PKLR: variants seen among roughly 807,000 people sequenced by gnomAD.
PKLR encodes pyruvate kinase PKLR.
PKLR carries 38 observed loss-of-function variants against 53.6 expected under a neutral mutation model. That is an observed-to-expected ratio of 0.71 (90% CI 0.55 to 0.93). The LOEUF (loss-of-function observed/expected upper bound fraction) is 0.93. Ranked by LOEUF, PKLR falls within the 40% of genes least tolerant of loss-of-function variation. PKLR has a pLI of 0.00. For synonymous variants in PKLR, 328 were observed against 316.2 expected (o/e 1.04, Z -0.39); for missense variants, 702 against 787.3 (o/e 0.89, Z 1.30).
At chr1:155,298,988 TTCTTTCTTTCTTTCTTTCTTTC>T in intron 2 of PKLR, among the ~76,000 whole-genome samples, 1 of 92,572 alleles carries the variant, frequency 1.1e-5, no homozygotes, top group South Asian at 3.6e-4. Context: ...CTTTCTTTCT[TTCTTTCTTTCTTTCTTTCTTTC>T]TTTCTTTCTT....
At chr1:155,302,168 G>A (rs1234829416), upstream of PKLR, among the ~76,000 whole-genome samples, 1 of 149,364 alleles carries the variant, frequency 6.7e-6, no homozygotes, top group African/African-American at 2.5e-5. Context: ...TCAGCCTACC[G>A]AGTAGCTGGG....
At position 155,294,278 on chromosome 1, in the gene PKLR, C is replaced by T; in HGVS notation, c.1073G>A (p.Gly358Glu). 1 of 1,614,192 alleles carries T rather than the reference C, an allele frequency of 6.2e-7. No individual in the cohort carries two copies. The highest frequency in any genetic ancestry group is 2.2e-5 in the East Asian group (1 of 44,884). ...KVFLAQKMMIGRCNLAGKPVV... is the reference protein window; with the variant it reads ...KVFLAQKMMIERCNLAGKPVV... ...AGGCTTGCCCGCCAAGTTGCAGCGC[C>T]CAATCATCATCTTCTGAGCCAGGAA... The change falls in exon 7 of 11, where the codon GGG becomes GAG. Residue 358 changes from glycine (G) to glutamate (E), a missense_variant. Physicochemically the swap from Gly to Glu is moderately conservative, Grantham distance 98 (BLOSUM62 -2). Around this residue, in one of 2 missense-constraint regions of PKLR, gnomAD observed 519 missense variants for 537.1 expected, o/e 0.97. Transcript: ENST00000342741.
Position 155,294,527 on chromosome 1 carries a change from C to A in PKLR, c.920G>T (p.Gly307Val), listed in dbSNP as rs754124936. ...CTCAATTTTGCTGATGATCTTGATGCCGTGTCCTTCCGGACCCAGAGCAGC... is the reference window on the plus strand; with the variant it reads ...CTCAATTTTGCTGATGATCTTGATGACGTGTCCTTCCGGACCCAGAGCAGC... ...VRAALGPEGH[G>V]IKIISKIENH... is the part of the protein sequence containing the mutation. The change falls in exon 6 of 11, where the codon GGC becomes GTC. Residue 307 changes from glycine to valine, a missense_variant. Coordinates refer to ENST00000342741, the MANE Select transcript of PKLR (RefSeq NM_000298.6). 3.1e-6 allele frequency: 5 copies of A among 1,614,236 alleles called. No homozygotes were observed. The South Asian group carries it at 5.5e-5, about 18-fold the overall frequency.
chr1:155,295,544 C>T lies in PKLR; in HGVS notation c.400G>A (p.Val134Ile). The T allele has an allele frequency of 6.2e-7, 1 of 1,613,900 alleles. No homozygotes were observed. The highest frequency in any genetic ancestry group is 8.5e-7 in the Non-Finnish European group (1 of 1,179,922). ...HEYHAESIAN[V>I]REAVESFAGS... ...GCAAAGCTCTCCACCGCCTCCCGGACGTTGGCGATGGACTCAGCATGGTAC... is the reference window on the plus strand; with the variant it reads ...GCAAAGCTCTCCACCGCCTCCCGGATGTTGGCGATGGACTCAGCATGGTAC... Residue 134 changes from valine (V) to isoleucine (I), a missense_variant, in exon 4 of 11, where the codon GTC (valine) becomes ATC (isoleucine). By Grantham distance (29) the Val-to-Ile change is conservative (BLOSUM62 3). Coordinates refer to ENST00000342741, the MANE Select transcript of PKLR (RefSeq NM_000298.6). This position sits in a 1 kb window ranked among gnomAD's most constrained non-coding sequence, Gnocchi z 4.3.
intron 2 of PKLR, among the ~76,000 whole-genome samples, chr1:155,297,793 GT>G (rs1277890495): frequency 1.3e-5 from 2 of 152,138 alleles, no homozygotes; most frequent in Non-Finnish European, 2.9e-5. Context: ...CCCCTTGATG[GT>G]TTCTAGCTCT....
At chr1:155,300,776 C>T (rs1018343417) in intron 1 of PKLR, 3 of 1,355,440 alleles carry the variant, frequency 2.2e-6, no homozygotes, top group Non-Finnish European at 2.1e-6. Context: ...GGCTTCCCCA[C>T]CCCATCCTCT....
intron 2 of PKLR, among the ~76,000 whole-genome samples, chr1:155,298,181 A>G (rs1440541150): frequency 1.3e-5 from 2 of 152,018 alleles, no homozygotes; most frequent in Admixed American, 1.3e-4. Flanking sequence ...GACTACAGGC[A>G]TGTGCCACCA....
At chr1:155,298,490 G>T (rs1421363281) in intron 2 of PKLR, among the ~76,000 whole-genome samples, 1 of 150,830 alleles carries the variant, frequency 6.6e-6, no homozygotes, top group African/African-American at 2.4e-5. Context: ...CACCATGCCC[G>T]GATAATTTTT....
the PKLR span, among the ~76,000 whole-genome samples, chr1:155,307,803 C>T: frequency 6.6e-6 from 1 of 152,202 alleles, no homozygotes; most frequent in South Asian, 2.1e-4. Flanking sequence ...CTGGAGAAAC[C>T]CCCTCTCTAC....
At chr1:155,291,180 G>T (rs1333046318) in intron 10 of PKLR, among the ~76,000 whole-genome samples, 2 of 152,030 alleles carry the variant, frequency 1.3e-5, no homozygotes, top group African/African-American at 4.8e-5. Context: ...GGCATGCAGG[G>T]AATGTGACCA....
At chr1:155,305,002 T>C (rs1176704119), upstream of PKLR, among the ~76,000 whole-genome samples, 1 of 152,124 alleles carries the variant, frequency 6.6e-6, no homozygotes, top group African/African-American at 2.4e-5. Context: ...GTGGCGTCTG[T>C]AGGGTTTGGA....
In PKLR at chr1:155,295,775, G is replaced by T; in HGVS notation, c.284-19C>A. 1.2e-6 allele frequency: 2 copies of T among 1,606,244 alleles called. No homozygotes were observed. Among genetic ancestry groups the T allele is most frequent in the South Asian group, 1.1e-5 (1 of 90,950 alleles). On this transcript the variant is annotated intron_variant, in intron 2 of 10. Coordinates refer to ENST00000342741, the MANE Select transcript of PKLR (RefSeq NM_000298.6). This position sits in a 1 kb window ranked among gnomAD's most constrained non-coding sequence, Gnocchi z 4.3. ...GCTGGCCCTAGAACCAGAGATTCAC[G>T]TTCAGACAACGTTCCCCCAGAACAT...
chr1:155,299,028 T>TTCTTTCTC (rs1557963406), intron 2 of PKLR, among the ~76,000 whole-genome samples: 1 of 63,580 alleles, frequency 1.6e-5, no homozygotes, highest in Non-Finnish European at 2.7e-5. Context: ...CTTTCTTTCT[T>TTCTTTCTC]TCTTTCTCTT....
chr1:155,298,938 C>T (rs535753863), intron 2 of PKLR, among the ~76,000 whole-genome samples: 15 of 151,784 alleles, frequency 9.9e-5, no homozygotes, highest in African/African-American at 3.1e-4. Context: ...CCACCATGCC[C>T]GGCCAACTTT....
rs752199380 is a variant in PKLR, at chr1:155,300,233, C to T, written c.148G>A (p.Glu50Lys). The change falls in exon 2 of 11, where the codon GAG becomes AAG. Residue 50 changes from glutamate (E) to lysine (K), a missense_variant. Transcript: ENST00000342741. ...TGCTGGAAGAAGGCAGTGCCCAGCT[C>T]CTGGGTCAGTTGGGCCACACTGGCC... ...RRASVAQLTQELGTAFFQQQQ... is the reference protein window; with the variant it reads ...RRASVAQLTQKLGTAFFQQQQ... 1 of 1,611,768 alleles carries T rather than the reference C, an allele frequency of 6.2e-7. No homozygotes were observed. Among genetic ancestry groups the T allele is most frequent in the South Asian group, 1.1e-5 (1 of 90,886 alleles).
chr1:155,305,664 CTG>C (rs1474460894), upstream of PKLR, among the ~76,000 whole-genome samples: 2 of 152,178 alleles, frequency 1.3e-5, no homozygotes, highest in Non-Finnish European at 2.9e-5. Flanking sequence ...GGGCCTTCCT[CTG>C]TAGCCCAGGC....
At chr1:155,301,881 T>C (rs1648017139), upstream of PKLR, among the ~76,000 whole-genome samples, 1 of 150,814 alleles carries the variant, frequency 6.6e-6, no homozygotes, top group Non-Finnish European at 1.5e-5. Context: ...CTGCATGTTT[T>C]CGCCTACATG....
At chr1:155,296,678 G>T (rs913393227) in intron 2 of PKLR, among the ~76,000 whole-genome samples, 19 of 151,728 alleles carry the variant, frequency 1.3e-4, no homozygotes, top group Admixed American at 2.0e-4. Context: ...ATCCCCATCC[G>T]CAGGTAAACC....
upstream of PKLR, among the ~76,000 whole-genome samples, chr1:155,302,055 TTTC>T (rs1476262924): frequency 7.9e-5 from 12 of 151,580 alleles, no homozygotes; most frequent in Non-Finnish European, 1.6e-4. Flanking sequence ...CTTTTTCTTT[TTTC>T]TTTTTTTTCT....
Sources: allele counts gnomAD v4.1 joint callset (sites outside exome capture counted in the v4.1 genomes callset), GRCh38; gene constraint gnomAD v4.1.1; regional missense constraint gnomAD v4.1.1; non-coding constraint Gnocchi (gnomAD v3.1); transcripts MANE v1.5; gene names NCBI Gene and HGNC (gene_info 2026-07-23, HGNC 2026-07-21).